ATXN7L1: variants seen among roughly 807,000 people sequenced by gnomAD.
The protein encoded by ATXN7L1 is ataxin 7 like 1.
In ATXN7L1, 15 loss-of-function variants were observed where a neutral mutation model predicts 70.8. That is an observed-to-expected ratio of 0.21 (90% CI 0.14 to 0.33). The LOEUF is 0.33. Among genes scored for constraint, ATXN7L1 ranks in the 10% least tolerant of loss-of-function variants. The pLI, the probability that ATXN7L1 is intolerant of heterozygous loss-of-function variation, is 1.00. For missense variants in ATXN7L1, 975 were observed against 1,097.1 expected (o/e 0.89, Z 1.57); for synonymous variants, 440 against 445.1 (o/e 0.99, Z 0.14).
At chr7:105,806,350 C>T (rs976755524) in intron 2 of ATXN7L1, among the ~76,000 whole-genome samples, 11 of 152,094 alleles carry the variant, frequency 7.2e-5, no homozygotes, top group Non-Finnish European at 1.5e-4. Flanking sequence ...AGTGAGCACC[C>T]GTCCACTCAC....
chr7:105,833,296 C>G (rs865854366), intron 2 of ATXN7L1, among the ~76,000 whole-genome samples: 1 of 152,274 alleles, frequency 6.6e-6, no homozygotes, highest in Middle Eastern at 3.4e-3. Flanking sequence ...GCTGCATTAT[C>G]TTTTGTTCAC....
chr7:105,658,955 G>A (rs1240809801), intron 4 of ATXN7L1, among the ~76,000 whole-genome samples: 1 of 152,188 alleles, frequency 6.6e-6, no homozygotes, highest in African/African-American at 2.4e-5. Flanking sequence ...TGGCTAAGAT[G>A]GTGAAACCCC....
intron 3 of ATXN7L1, among the ~76,000 whole-genome samples, chr7:105,758,173 C>T (rs983756099): frequency 9.9e-5 from 15 of 152,180 alleles, no homozygotes; most frequent in Non-Finnish European, 1.9e-4. Flanking sequence ...GGTGGGCAGG[C>T]TGGGCTGGCT....
At chr7:105,756,968 G>T (rs1372719274) in intron 3 of ATXN7L1, among the ~76,000 whole-genome samples, 1 of 151,898 alleles carries the variant, frequency 6.6e-6, no homozygotes, top group Non-Finnish European at 1.5e-5. Context: ...TACCTGTTTC[G>T]ATTTGCAGAG....
intron 3 of ATXN7L1, among the ~76,000 whole-genome samples, chr7:105,723,527 A>AC (rs1364410894): frequency 6.6e-6 from 1 of 152,090 alleles, no homozygotes; most frequent in Non-Finnish European, 1.5e-5. Context: ...GTTATGGAAG[A>AC]CTCAACAGAT....
chr7:105,841,936 A>G (rs1319675164), intron 2 of ATXN7L1, among the ~76,000 whole-genome samples: 4 of 152,180 alleles, frequency 2.6e-5, no homozygotes, highest in African/African-American at 9.7e-5. Context: ...CTTTATAAGC[A>G]TTCTTAGAGA....
Position 105,726,462 on chromosome 7 carries a change from T to G in ATXN7L1, c.356-61174A>C, listed in dbSNP as rs189665034. 1.2e-4 allele frequency among the ~76,000 whole-genome samples: 19 copies of G among 152,176 alleles called. No homozygotes were observed. The East Asian group carries it at 3.5e-3, about 28-fold the overall frequency. On this transcript the variant is annotated intron_variant, in intron 3 of 11. Transcript: ENST00000419735. Reference sequence around the variant, plus strand: ...CCAAGGCTGAGCAGAGAGTCTGAGGTGATGGCTGGCAGAACCAGGTGTGGA... The same window carrying G: ...CCAAGGCTGAGCAGAGAGTCTGAGGGGATGGCTGGCAGAACCAGGTGTGGA...
chr7:105,875,688 G>A (rs952281758), intron 2 of ATXN7L1, 124 bp downstream of exon 2: 4 of 770,464 alleles, frequency 5.2e-6, no homozygotes, highest in Non-Finnish European at 8.1e-6. Context: ...AGTCACCTGG[G>A]CGTGCTCAAT....
chr7:105,645,810 CACAA>C (rs58661590), intron 4 of ATXN7L1, among the ~76,000 whole-genome samples: 32,703 of 143,102 alleles, frequency 0.23, 4,101 homozygotes, highest in African/African-American at 0.32. Context: ...GAGACGCCAC[CACAA>C]ACAAACAAAC....
intron 8 of ATXN7L1, 148 bp from the exon 9 acceptor site, chr7:105,620,469 A>G: frequency 1.3e-6 from 1 of 787,450 alleles, no homozygotes; most frequent in Non-Finnish European, 1.9e-6. Flanking sequence ...ATACTTCTGC[A>G]GTTCTGTAGT....
At chr7:105,612,779 C>T (rs1256708660) in intron 10 of ATXN7L1, among the ~76,000 whole-genome samples, 1 of 152,234 alleles carries the variant, frequency 6.6e-6, no homozygotes, top group African/African-American at 2.4e-5. Flanking sequence ...GAATCCCCCT[C>T]AGGCTGTGCT....
chr7:105,634,895 CAT>C (rs1395686327), intron 7 of ATXN7L1, among the ~76,000 whole-genome samples: 1 of 149,340 alleles, frequency 6.7e-6, no homozygotes, highest in East Asian at 2.0e-4. Flanking sequence ...GCCTGGGCAA[CAT>C]AGTGAGACTC....
Position 105,642,889 on chromosome 7 carries a change from T to C in ATXN7L1, c.811A>G (p.Lys271Glu). 2 of 1,551,750 alleles carry C rather than the reference T, an allele frequency of 1.3e-6. No homozygotes were observed. Among genetic ancestry groups the C allele is most frequent in the Non-Finnish European group, 8.7e-7 (1 of 1,147,010 alleles). The change falls in exon 5 of 12, where the codon AAA (lysine) becomes GAA (glutamate). Residue 271 changes from lysine to glutamate, a missense_variant. By Grantham distance (56) the Lys-to-Glu change is moderately conservative. This residue lies in a region of ATXN7L1 where 192 missense variants were observed against 215.5 expected (regional missense o/e 0.89). Coordinates refer to ENST00000419735, the MANE Select transcript of ATXN7L1 (RefSeq NM_020725.2). ...CTGTTTTTGGTGCCATTTTGGTGTT[T>C]CTTGTCTATGGTGGTTGGCAGAATT... The part of the protein sequence containing the change: ...KGILPTTIDK[K>E]HQNGTKNSNK...
At chr7:105,699,949 T>C (rs1457619516) in intron 3 of ATXN7L1, among the ~76,000 whole-genome samples, 1 of 152,186 alleles carries the variant, frequency 6.6e-6, no homozygotes, top group African/African-American at 2.4e-5. Flanking sequence ...TTTGCTGGTA[T>C]TATGTATAAA....
intron 3 of ATXN7L1, among the ~76,000 whole-genome samples, chr7:105,726,258 C>G (rs749863387): frequency 1.3e-5 from 2 of 152,196 alleles, no homozygotes; most frequent in African/African-American, 2.4e-5. Flanking sequence ...TTCACACATC[C>G]ATCCAAACTT....
chr7:105,618,302 C>T (rs908849602), intron 9 of ATXN7L1, among the ~76,000 whole-genome samples: 2 of 152,194 alleles, frequency 1.3e-5, no homozygotes, highest in Non-Finnish European at 2.9e-5. Flanking sequence ...AGTCACCCCA[C>T]GTGTAGCACC....
chr7:105,778,023 C>T (rs879534642), intron 3 of ATXN7L1, among the ~76,000 whole-genome samples: 1 of 152,194 alleles, frequency 6.6e-6, no homozygotes, highest in Non-Finnish European at 1.5e-5. Flanking sequence ...AAGCCAGGCC[C>T]TTATTTGTCT....
chr7:105,739,342 T>G (rs146929856), intron 3 of ATXN7L1, among the ~76,000 whole-genome samples: 4 of 152,192 alleles, frequency 2.6e-5, no homozygotes, highest in African/African-American at 9.7e-5. Context: ...GAAGAACCTA[T>G]ATTTTAACAA....
At chr7:105,662,990 G>A (rs1801947377) in intron 4 of ATXN7L1, among the ~76,000 whole-genome samples, 1 of 152,190 alleles carries the variant, frequency 6.6e-6, no homozygotes, top group South Asian at 2.1e-4. Context: ...CTTTACAGAT[G>A]AGGAAATGGA....
Sources: allele counts gnomAD v4.1 joint callset (sites outside exome capture counted in the v4.1 genomes callset), GRCh38; gene constraint gnomAD v4.1.1; regional missense constraint gnomAD v4.1.1; transcripts MANE v1.5; gene names NCBI Gene and HGNC (gene_info 2026-07-23, HGNC 2026-07-21).